The following EML3 variants were observed in gnomAD, a reference collection of about 807,000 sequenced individuals.
The protein encoded by EML3 is echinoderm microtubule-associated protein-like 3.
Under a neutral mutation model 106.7 loss-of-function variants are expected in EML3, and 53 were observed. The ratio of observed to expected loss-of-function variants is 0.50; its 90% CI spans 0.40 to 0.62. The LOEUF is 0.62. EML3 is among the 20% of genes least tolerant of loss of function. The probability of loss-of-function intolerance (pLI) is 0.00; values close to 1 mark genes in which losing one functional copy is unlikely to be tolerated. For synonymous variants in EML3, 499 were observed against 489.6 expected (o/e 1.02, Z -0.25); for missense variants, 994 against 1,209.1 (o/e 0.82, Z 2.64).
In EML3 at chr11:62,606,973, T is replaced by G; in HGVS notation, c.1489A>C (p.Arg497=). 6.2e-7 allele frequency: 1 copy of G among 1,613,648 alleles called. No individual in the cohort carries two copies. Among genetic ancestry groups the G allele is most frequent in the South Asian group, 1.1e-5 (1 of 91,072 alleles). ...AGCCACATACCTTTGGCGCCACCCCTGCCTGGGGTCTTGGAATCTGAAGGG... is the reference window on the plus strand; with the variant it reads ...AGCCACATACCTTTGGCGCCACCCCGGCCTGGGGTCTTGGAATCTGAAGGG... The part of the protein sequence containing the change: ...RSPSDSKTPG[R]GGAKETYGIV... Residue 497 remains arginine, a synonymous_variant, in exon 12 of 22, where the codon AGG becomes CGG. Transcript: ENST00000394773.
rs1446900158 is a variant in EML3 at position 62,602,353 on chromosome 11, T to C, written c.*122A>G. On this transcript the variant is annotated 3_prime_UTR_variant, in exon 22 of 22. Transcript: ENST00000394773. ...TCGCGCCCTCCAGGAAAATGCGCGA[T>C]CGGGAATGTCTCGAAGTCAGTCCAG... 1 of 1,539,796 alleles carries C rather than the reference T, an allele frequency of 6.5e-7. No homozygotes were observed. The highest frequency in any genetic ancestry group is 8.8e-7 in the Non-Finnish European group (1 of 1,140,024).
At chr11:62,603,615 ACTCCACTTTAACCCCAT>A (rs1364294063) in intron 19 of EML3, 97 bp downstream of exon 19, 218 of 865,324 alleles carry the variant, frequency 2.5e-4, no homozygotes, top group Non-Finnish European at 3.8e-4. Flanking sequence ...TATAATTCCA[ACTCCACTTTAACCCCAT>A]CTCCACTTCC....
intron 6 of EML3, 110 bp from the exon 7 acceptor site, chr11:62,609,242 G>A: frequency 6.4e-7 from 1 of 1,562,820 alleles, no homozygotes; most frequent in Non-Finnish European, 8.7e-7. Flanking sequence ...ATGATGGTAG[G>A]AGAGGATCTA....
Position 62,609,565 on chromosome 11 carries a change from T to C in EML3, c.634+64A>G. ...CACCACACCTACCCAAAATAGCTCC[T>C]GGGGCTACAGCCCAAATCCTAACCC... On this transcript the variant is annotated intron_variant, in intron 5 of 21. Transcript: ENST00000394773. 4.5e-6 allele frequency: 7 copies of C among 1,564,914 alleles called. No homozygotes were observed. The East Asian group carries it at 1.6e-4, about 36-fold the overall frequency.
chr11:62,604,256 AGAC>A (rs1942401115), intron 16 of EML3, 55 bp from the exon 17 acceptor site: 2 of 1,578,472 alleles, frequency 1.3e-6, no homozygotes, highest in Admixed American at 1.7e-5. Flanking sequence ...GGATGTAAGG[AGAC>A]CCCCAGGGAG....
Position 62,608,731 on chromosome 11 carries a change from C to T in EML3, c.999+5G>A. 2 of 1,611,354 alleles carry T rather than the reference C, an allele frequency of 1.2e-6. No individual in the cohort carries two copies. The highest frequency in any genetic ancestry group is 1.7e-6 in the Non-Finnish European group (2 of 1,178,376). ...TGTCTGCCTGCTCCCTGACTTTGGCCTTACCTTTCCATCCTTATCCACTCC... is the reference window on the plus strand; with the variant it reads ...TGTCTGCCTGCTCCCTGACTTTGGCTTTACCTTTCCATCCTTATCCACTCC... On this transcript the variant is annotated splice_donor_5th_base_variant and intron_variant, in intron 8 of 21. Coordinates refer to ENST00000394773, the MANE Select transcript of EML3 (RefSeq NM_153265.3).
intron 16 of EML3, 80 bp from the exon 17 acceptor site, chr11:62,604,281 T>A: frequency 7.9e-7 from 1 of 1,265,448 alleles, no homozygotes. Context: ...CCACCCTGGG[T>A]AGGCTTGGGG....
Position 62,609,345 on chromosome 11 carries a change from G to A in EML3, c.758+9C>T. The A allele has an allele frequency of 6.4e-7, 1 of 1,560,424 alleles. No homozygotes were observed. Among genetic ancestry groups the A allele is most frequent in the East Asian group, 2.2e-5 (1 of 44,450 alleles). On this transcript the variant is annotated intron_variant, in intron 6 of 21. Transcript: ENST00000394773. ...GGTGGTTCTCATGGGACTGGAAGGG[G>A]CAGGATACACCCAGTCAAGGCTGAG...
intron 20 of EML3, 130 bp from the exon 21 acceptor site, chr11:62,603,019 G>GAGGGCCGC (rs2134344032): frequency 7.0e-7 from 1 of 1,432,090 alleles, no homozygotes; most frequent in Non-Finnish European, 9.2e-7. Context: ...TCCCGGTCCC[G>GAGGGCCGC]AGGGGCCTCC....
intron 16 of EML3, chr11:62,604,870 T>C: frequency 2.7e-6 from 1 of 375,968 alleles, no homozygotes; most frequent in East Asian, 5.2e-5. Flanking sequence ...TTCTCTATCC[T>C]GGGCTGCTGC....
At position 62,605,523 on chromosome 11, in the gene EML3, C is replaced by T; in HGVS notation, c.1914+119G>A. ...ATTAATATTTGAGTAGCCAGTGCAG[C>T]CATACCAGTACAAACTGGCCACCTC... On this transcript the variant is annotated intron_variant, in intron 15 of 21. Coordinates refer to ENST00000394773, the MANE Select transcript of EML3 (RefSeq NM_153265.3). This position sits in a 1 kb window ranked among gnomAD's most constrained non-coding sequence, Gnocchi z 5.2. 7.6e-7 allele frequency: 1 copy of T among 1,323,374 alleles called. No homozygotes were observed. The highest frequency in any genetic ancestry group is 1.0e-6 in the Non-Finnish European group (1 of 977,800). The allele number at this position is 1,323,374 out of a possible 1,614,324, so 82.0% of individuals were successfully genotyped here.
intron 6 of EML3, 99 bp downstream of exon 6, chr11:62,609,255 A>C: frequency 6.4e-7 from 1 of 1,550,882 alleles, no homozygotes; most frequent in South Asian, 1.2e-5. Context: ...AGGATCTAGA[A>C]GGCTCCTTGT....
rs1942457957 is a variant in EML3 at position 62,605,386 on chromosome 11, G to A, written c.1915-206C>T. ...AGAACTGATGCCAATAGCTGTGCTG[G>A]AGATTAACCATTTAGGTGCTGGATC... On this transcript the variant is annotated intron_variant, in intron 15 of 21. Transcript: ENST00000394773. The surrounding 1 kb of genome is among the most constrained non-coding windows in gnomAD (Gnocchi z 5.2). Among the ~76,000 whole-genome samples the A allele has an allele frequency of 6.6e-6, 1 of 152,192 alleles. No individual in the cohort carries two copies. The highest frequency in any genetic ancestry group is 1.5e-5 in the Non-Finnish European group (1 of 68,028).
chr11:62,610,810 A>G lies in EML3; in HGVS notation c.566+69T>C, dbSNP rs925092548. The G allele has an allele frequency of 3.0e-6, 4 of 1,326,696 alleles. No individual in the cohort carries two copies. The Admixed American group carries it at 8.3e-5, about 28-fold the overall frequency. The allele number at this position is 1,326,696 out of a possible 1,614,324, so 82.2% of individuals were successfully genotyped here. On this transcript the variant is annotated intron_variant, in intron 4 of 21. Transcript: ENST00000394773. The stretch of plus-strand genomic sequence containing the variant: ...TCCCCCCACCCCAACCAGGGATGTG[A>G]GGTGAGGGATATGGAAAGTCGAGAG...
rs756695880 is a variant in EML3, at chr11:62,606,091, G to A, written c.1628C>T (p.Pro543Leu). 1.9e-6 allele frequency: 3 copies of A among 1,613,880 alleles called. No individual in the cohort carries two copies. The highest frequency in any genetic ancestry group is 2.7e-5 in the African/African-American group (2 of 74,942). Residue 543 changes from proline to leucine, a missense_variant, in exon 13 of 22, where the codon CCC becomes CTC. Transcript: ENST00000394773. ...AGCCTCCTGGAGGGCCACCAACCCG[G>A]GCCCCCACTGTACCAGCCGGCGGTC... Reference protein sequence around the residue: ...GRDRRLVQWGPGLVALQEAEI... With the variant: ...GRDRRLVQWGLGLVALQEAEI...
chr11:62,610,947 A>G lies in EML3; in HGVS notation c.498T>C (p.Pro166=). Residue 166 remains proline (P), a synonymous_variant, in exon 4 of 22, where the codon CCT becomes CCC. Coordinates refer to ENST00000394773, the MANE Select transcript of EML3 (RefSeq NM_153265.3). The part of the protein sequence containing the change: ...SSSSSSPSER[P]RQKLSRKAIS... The stretch of plus-strand genomic sequence containing the variant: ...TTGCCTTCCTGGAGAGCTTCTGCCG[A>G]GGCCGCTCTGAGGGGGATGAGGAGG... 1 of 1,613,684 alleles carries G rather than the reference A, an allele frequency of 6.2e-7. No homozygotes were observed. Among genetic ancestry groups the G allele is most frequent in the Non-Finnish European group, 8.5e-7 (1 of 1,179,888 alleles).
intron 1 of EML3, chr11:62,612,218 G>A: frequency 1.9e-6 from 1 of 526,216 alleles, no homozygotes; most frequent in Non-Finnish European, 3.3e-6. Context: ...GAGGGGCCCG[G>A]AGTTACGTGG....
At position 62,609,038 on chromosome 11, in the gene EML3, G is replaced by A. The variant is rs774522482; in HGVS notation, c.853C>T (p.Arg285Trp). 8.7e-6 allele frequency: 14 copies of A among 1,613,858 alleles called. No individual in the cohort carries two copies. Among genetic ancestry groups the A allele is most frequent in the Middle Eastern group, 3.3e-4 (2 of 6,084 alleles). The change falls in exon 7 of 22, where the codon CGG (arginine) becomes TGG (tryptophan). Residue 285 changes from arginine (R) to tryptophan (W), a missense_variant. By Grantham distance (101) the Arg-to-Trp change is moderately radical. This residue lies in a region of EML3 where 713 missense variants were observed against 920.5 expected (regional missense o/e 0.77). Coordinates refer to ENST00000394773, the MANE Select transcript of EML3 (RefSeq NM_153265.3). The stretch of plus-strand genomic sequence containing the variant: ...GGACCCCCTGGGCCTCCTCCAGGCC[G>A]GTACAGCACCACCACACAGGCGATA... ...YFIACVVVLY[R>W]PGGGPGGPGG...
rs1213048206 is a variant in EML3, at chr11:62,605,710, C to T, written c.1846G>A (p.Gly616Ser). Reference protein sequence around the residue: ...HPSQNRFLTCGHDRQLCLWDG... With the variant: ...HPSQNRFLTCSHDRQLCLWDG... The stretch of plus-strand genomic sequence containing the variant: ...CACAGGCAGAGCTGCCGGTCGTGGC[C>T]GCAGGTGAGGAAGCGGTTCTGGGAG... Residue 616 changes from glycine to serine, a missense_variant, in exon 15 of 22, where the codon GGC becomes AGC. Around this residue, in one of 3 missense-constraint regions of EML3, gnomAD observed 713 missense variants for 920.5 expected, o/e 0.77. Coordinates refer to ENST00000394773, the MANE Select transcript of EML3 (RefSeq NM_153265.3). The surrounding 1 kb of genome is among the most constrained non-coding windows in gnomAD (Gnocchi z 5.2). 6 of 1,600,306 alleles carry T rather than the reference C, an allele frequency of 3.7e-6. No homozygotes were observed. Among genetic ancestry groups the T allele is most frequent in the Admixed American group, 1.7e-5 (1 of 59,102 alleles).
Sources: gnomAD v4.1 joint callset for allele counts (sites outside exome capture counted in the v4.1 genomes callset) on GRCh38, gnomAD v4.1.1 for gene constraint, gnomAD v4.1.1 regional missense constraint, Gnocchi (gnomAD v3.1) non-coding constraint, MANE v1.5 for transcripts, NCBI Gene and HGNC (gene_info 2026-07-23, HGNC 2026-07-21) for gene names.